Variants in BIN2 observed in about 807,000 individuals in gnomAD.
BIN2 encodes the protein bridging integrator 2, also known as breast cancer associated protein BRAP1.
A neutral mutation model predicts 67.9 loss-of-function variants in BIN2; 43 were observed. That is an observed-to-expected ratio of 0.63 (90% CI 0.50 to 0.82). BIN2 has a LOEUF of 0.82. Ranked by LOEUF, BIN2 falls within the 40% of genes least tolerant of loss-of-function variation. The pLI, the probability that BIN2 is intolerant of heterozygous loss-of-function variation, is 0.00. For missense variants in BIN2, 581 were observed against 671.6 expected, an observed-to-expected ratio of 0.87 and a Z score of 1.49; for synonymous variants, 244 against 246.8, an observed-to-expected ratio of 0.99 and a Z score of 0.11.
At chr12:51,318,910 T>G (rs866709624) in intron 1 of BIN2, among the ~76,000 whole-genome samples, 1 of 141,412 alleles carries the variant, frequency 7.1e-6, no homozygotes, top group African/African-American at 2.5e-5. Flanking sequence ...GGTTTGGCCA[T>G]ATCTGTTTGG....
intron 10 of BIN2, among the ~76,000 whole-genome samples, chr12:51,291,078 G>C (rs955595321): frequency 5.3e-5 from 8 of 152,184 alleles, no homozygotes; most frequent in Admixed American, 3.9e-4. Flanking sequence ...GAACCCAGGA[G>C]GCAGAAGTTG....
At chr12:51,323,104 G>A (rs1212773297) in intron 1 of BIN2, 1 of 152,156 alleles carries the variant, frequency 6.6e-6, no homozygotes, top group East Asian at 1.9e-4. Flanking sequence ...TAAAGAGAGA[G>A]AGAAAAAAAG....
chr12:51,318,523 G>C (rs1946189456), intron 1 of BIN2, among the ~76,000 whole-genome samples: 1 of 152,186 alleles, frequency 6.6e-6, no homozygotes, highest in Admixed American at 6.5e-5. Context: ...CAGCCTCCCA[G>C]TGTTGGAATT....
At chr12:51,321,525 G>C (rs1337346809) in intron 1 of BIN2, among the ~76,000 whole-genome samples, 2 of 152,034 alleles carry the variant, frequency 1.3e-5, no homozygotes, top group Non-Finnish European at 2.9e-5. Context: ...TCAGCCTCCT[G>C]AGTAGCTGGG....
chr12:51,295,711 G>C, intron 9 of BIN2, 85 bp downstream of exon 9: 1 of 1,107,360 alleles, frequency 9.0e-7, no homozygotes, highest in Non-Finnish European at 1.4e-6. Flanking sequence ...TAAGGGACAG[G>C]TCAGGATTCT....
chr12:51,297,198 T>A, intron 7 of BIN2, 34 bp from the exon 8 acceptor site: 1 of 1,576,504 alleles, frequency 6.3e-7, no homozygotes, highest in Non-Finnish European at 8.7e-7. Flanking sequence ...CACATACGAG[T>A]AAGGCATGGG....
Position 51,291,591 on chromosome 12 carries a change from C to G in BIN2, c.1515G>C (p.Gln505His), listed in dbSNP as rs758913364. 2.5e-6 allele frequency: 4 copies of G among 1,594,254 alleles called. No individual in the cohort carries two copies. The East Asian group carries it at 8.9e-5, about 36-fold the overall frequency. The change falls in exon 10 of 13, where the codon CAG (glutamine) becomes CAC (histidine). Residue 505 changes from glutamine (Q) to histidine (H), a missense_variant and splice_region_variant. Physicochemically the swap from Gln to His is conservative, Grantham distance 24. Transcript: ENST00000615107. ...LCTSPTLMTS[Q>H]VASEPGEAKK... Reference sequence around the variant, plus strand: ...AATACCCAACCAGAACTACTCTTACCTGAGATGTCATTAAGGTGGGGGAAG... The same window carrying G: ...AATACCCAACCAGAACTACTCTTACGTGAGATGTCATTAAGGTGGGGGAAG...
intron 9 of BIN2, among the ~76,000 whole-genome samples, chr12:51,295,572 AAAAAAATATATATATATATATAT>A (rs1945525792): frequency 9.5e-5 from 2 of 20,960 alleles, no homozygotes; most frequent in African/African-American, 5.2e-4. Flanking sequence ...CAAAAAAAAA[AAAAAAATATATATATATATATAT>A]ATATATATAT....
chr12:51,300,962 T>G (rs1372654519), intron 5 of BIN2, among the ~76,000 whole-genome samples: 5 of 152,226 alleles, frequency 3.3e-5, no homozygotes, highest in Non-Finnish European at 7.3e-5. Flanking sequence ...GGCTCACGCC[T>G]GCAATCCCAG....
rs759654521 is a variant in BIN2, at chr12:51,299,292, G to C, written c.517-4C>G. The C allele has an allele frequency of 1.5e-5, 24 of 1,611,686 alleles. No individual in the cohort carries two copies. The Admixed American group carries it at 2.2e-4, about 15-fold the overall frequency. ...CTTTGTTGAACTCTTCCTCTGCCTA[G>C]GTGGTAAAAGAGACAAGACAATCTC... On this transcript the variant is annotated splice_region_variant and splice_polypyrimidine_tract_variant and intron_variant, in intron 6 of 12. Coordinates refer to ENST00000615107, the MANE Select transcript of BIN2 (RefSeq NM_016293.4).
rs540783663 is a variant in BIN2 at position 51,307,210 on chromosome 12, G to A, written c.163-4069C>T. On this transcript the variant is annotated intron_variant, in intron 2 of 12. Transcript: ENST00000615107. ...AGGCAGGAGAATGGCTTGAACCCGG[G>A]AGGTGGAGGTTACAGTGAGCTGAGA... Among the ~76,000 whole-genome samples, 618 of 150,696 alleles carry A rather than the reference G, an allele frequency of 4.1e-3. 2 individuals are homozygous for A. Among genetic ancestry groups the A allele is most frequent in the African/African-American group, 0.014 (587 of 40,982 alleles).
In BIN2 at chr12:51,291,574, A is replaced by G. The variant is rs1202430780; in HGVS notation, c.1515+17T>C. On this transcript the variant is annotated intron_variant, in intron 10 of 12. Coordinates refer to ENST00000615107, the MANE Select transcript of BIN2 (RefSeq NM_016293.4). Reference sequence around the variant, plus strand: ...ATAAATTAATTAAATTAAATACCCAACCAGAACTACTCTTACCTGAGATGT... The same window carrying G: ...ATAAATTAATTAAATTAAATACCCAGCCAGAACTACTCTTACCTGAGATGT... 2.6e-6 allele frequency: 4 copies of G among 1,562,106 alleles called. No individual in the cohort carries two copies. Among genetic ancestry groups the G allele is most frequent in the Non-Finnish European group, 2.6e-6 (3 of 1,160,982 alleles).
Position 51,291,606 on chromosome 12 carries a change from G to A in BIN2, c.1500C>T (p.Thr500=), listed in dbSNP as rs923671734. The change falls in exon 10 of 13, where the codon ACC becomes ACT. Residue 500 remains threonine (T), a synonymous_variant. Transcript: ENST00000615107. Reference sequence around the variant, plus strand: ...CTACTCTTACCTGAGATGTCATTAAGGTGGGGGAAGTACAAAGTTCTTCAG... The same window carrying A: ...CTACTCTTACCTGAGATGTCATTAAAGTGGGGGAAGTACAAAGTTCTTCAG... ...QNPEELCTSP[T]LMTSQVASEP... 2.5e-6 allele frequency: 4 copies of A among 1,606,330 alleles called. No homozygotes were observed. The highest frequency in any genetic ancestry group is 3.4e-6 in the Non-Finnish European group (4 of 1,177,620).
chr12:51,295,908 A>G (rs750466009), intron 8 of BIN2, 30 bp from the exon 9 acceptor site: 10 of 1,592,206 alleles, frequency 6.3e-6, no homozygotes, highest in Non-Finnish European at 7.7e-6. Context: ...AGGGGATGCT[A>G]GCCAACTGGG....
At chr12:51,319,346 C>G (rs983224911) in intron 1 of BIN2, among the ~76,000 whole-genome samples, 4 of 152,256 alleles carry the variant, frequency 2.6e-5, no homozygotes, top group South Asian at 4.1e-4. Flanking sequence ...CTGAAACATA[C>G]CCCAGTACTC....
At chr12:51,283,372 G>C (rs1350705888) in intron 12 of BIN2, among the ~76,000 whole-genome samples, 1 of 152,126 alleles carries the variant, frequency 6.6e-6, no homozygotes, top group African/African-American at 2.4e-5. Context: ...GAGATGACAG[G>C]TCCATTTGTG....
rs1946366646 is a variant in BIN2, at chr12:51,324,073, G to A, written c.30C>T (p.Ala10=). 1.9e-6 allele frequency: 3 copies of A among 1,613,338 alleles called. No individual in the cohort carries two copies. Among genetic ancestry groups the A allele is most frequent in the Non-Finnish European group, 2.5e-6 (3 of 1,179,696 alleles). Residue 10 remains alanine (A), a synonymous_variant, in exon 1 of 13, where the codon GCC becomes GCT. Transcript: ENST00000615107. ...TCTGCACCTGCTTGGCGAAGAGGCCGGCCGCGCCGCCTGCCTTGCCCTCTG... is the reference window on the plus strand; with the variant it reads ...TCTGCACCTGCTTGGCGAAGAGGCCAGCCGCGCCGCCTGCCTTGCCCTCTG... MAEGKAGGA[A]GLFAKQVQKK...
chr12:51,315,823 G>A (rs1288094571), intron 1 of BIN2, among the ~76,000 whole-genome samples: 2 of 152,168 alleles, frequency 1.3e-5, no homozygotes, highest in African/African-American at 2.4e-5. Context: ...CAGTGCTAAT[G>A]CAAAAGACAT....
chr12:51,318,912 T>A (rs1946198752), intron 1 of BIN2, among the ~76,000 whole-genome samples: 1 of 141,422 alleles, frequency 7.1e-6, no homozygotes, highest in African/African-American at 2.5e-5. Flanking sequence ...TTTGGCCATA[T>A]CTGTTTGGTT....
Sources: gnomAD v4.1 joint callset for allele counts (sites outside exome capture counted in the v4.1 genomes callset) on GRCh38, gnomAD v4.1.1 for gene constraint, MANE v1.5 for transcripts, NCBI Gene and HGNC (gene_info 2026-07-23, HGNC 2026-07-21) for gene names.